Variants in STARD7 observed in about 807,000 individuals in gnomAD.
STARD7 encodes stAR-related lipid transfer protein 7, mitochondrial.
Under a neutral mutation model 45.3 loss-of-function variants are expected in STARD7, and 30 were observed. The observed-to-expected ratio is 0.66, with a 90% CI of 0.50 to 0.90. The LOEUF (loss-of-function observed/expected upper bound fraction) is 0.90. Ranked by LOEUF, STARD7 falls within the 40% of genes least tolerant of loss-of-function variation. The pLI, the probability that STARD7 is intolerant of heterozygous loss-of-function variation, is 0.00. For missense variants in STARD7, 495 were observed against 491.3 expected (o/e 1.01, Z -0.07); for synonymous variants, 199 against 183.0 (o/e 1.09, Z -0.70).
intron 1 of STARD7, 47 bp from the exon 2 acceptor site, chr2:96,195,596 T>C (rs1308125685): frequency 6.9e-7 from 1 of 1,449,658 alleles, no homozygotes; most frequent in Admixed American, 1.8e-5. Flanking sequence ...GTCAGCCCTG[T>C]GAAATGAAGT....
At chr2:96,187,094 CTCTG>C in intron 7 of STARD7, 119 bp downstream of exon 7, 2 of 916,970 alleles carry the variant, frequency 2.2e-6, no homozygotes, top group South Asian at 1.8e-5. Context: ...GTTGTGAAAA[CTCTG>C]TCTCAGAAAA....
chr2:96,186,682 A>T lies in STARD7; in HGVS notation c.*48T>A. 2.0e-6 allele frequency: 3 copies of T among 1,467,586 alleles called. No individual in the cohort carries two copies. Among genetic ancestry groups the T allele is most frequent in the Non-Finnish European group, 2.8e-6 (3 of 1,081,836 alleles). The allele number at this position is 1,467,586 out of a possible 1,614,324, so 90.9% of individuals were successfully genotyped here. The stretch of plus-strand genomic sequence containing the variant: ...CCCTTCTACAGCAGAGTGATAACGG[A>T]CTGAGACAGGGCTAGAAGCACCTTG... On this transcript the variant is annotated 3_prime_UTR_variant, in exon 8 of 8. Transcript: ENST00000337288.
chr2:96,186,149 T>A lies in STARD7; in HGVS notation c.*581A>T, dbSNP rs1683033659. On this transcript the variant is annotated 3_prime_UTR_variant, in exon 8 of 8. Transcript: ENST00000337288. Reference sequence around the variant, plus strand: ...ACCAGCCTGGGAAACAGAGTGAAACTCCATCTCTACTTAAAAAAAAAAAAA... The same window carrying A: ...ACCAGCCTGGGAAACAGAGTGAAACACCATCTCTACTTAAAAAAAAAAAAA... 1 of 151,488 alleles carries A rather than the reference T, an allele frequency of 6.6e-6. No homozygotes were observed. Among genetic ancestry groups the A allele is most frequent in the African/African-American group, 2.4e-5 (1 of 41,066 alleles). The allele number at this position is 151,488 out of a possible 1,614,324, so 9.4% of individuals were successfully genotyped here. A position where few individuals can be genotyped will look rare whatever the true frequency, so the allele number is the denominator to read the frequency against.
intron 6 of STARD7, among the ~76,000 whole-genome samples, chr2:96,191,602 A>T (rs530085568): frequency 4.0e-5 from 6 of 150,508 alleles, no homozygotes; most frequent in African/African-American, 1.5e-4. Context: ...TGCTTGAATC[A>T]TGTCTTCTAA....
Position 96,208,312 on chromosome 2 carries a change from G to A in STARD7, c.123C>T (p.Ile41=), listed in dbSNP as rs768859533. 2.5e-6 allele frequency: 4 copies of A among 1,607,500 alleles called. No homozygotes were observed. The highest frequency in any genetic ancestry group is 1.3e-5 in the African/African-American group (1 of 74,860). ...AGTAGAGGCGGCCGTAGAGCTGCGCGATCTGCTGCGCGCGCCGCACGCGCA... is the reference window on the plus strand; with the variant it reads ...AGTAGAGGCGGCCGTAGAGCTGCGCAATCTGCTGCGCGCGCCGCACGCGCA... ...TGLRVRRAQQ[I]AQLYGRLYSE... is the part of the protein sequence containing the mutation. Residue 41 remains isoleucine, a synonymous_variant, in exon 1 of 8, where the codon ATC becomes ATT. Coordinates refer to ENST00000337288, the MANE Select transcript of STARD7 (RefSeq NM_020151.4).
rs780187943 is a variant in STARD7 at position 96,193,065 on chromosome 2, C to G, written c.743+13G>C. On this transcript the variant is annotated intron_variant, in intron 5 of 7. Coordinates refer to ENST00000337288, the MANE Select transcript of STARD7 (RefSeq NM_020151.4). ...AAAGGAACTCGGCAACAGCCACAGG[C>G]AGCCATACATACCGCGACACCAACA... The G allele has an allele frequency of 3.1e-6, 5 of 1,603,794 alleles. No homozygotes were observed. Among genetic ancestry groups the G allele is most frequent in the Non-Finnish European group, 4.3e-6 (5 of 1,171,206 alleles).
Position 96,208,150 on chromosome 2 carries a change from C to T in STARD7, c.285G>A (p.Leu95=), listed in dbSNP as rs1334088024. ...GAGCTCGCCGCAGCGCCCACCTCTGCAACTCCTCCTCCTGGATCCTCTCCT... is the reference window on the plus strand; with the variant it reads ...GAGCTCGCCGCAGCGCCCACCTCTGTAACTCCTCCTCCTGGATCCTCTCCT... ...WDEERIQEEE[L]QRSINEMKRL... Residue 95 remains leucine, a synonymous_variant, in exon 1 of 8, where the codon TTG becomes TTA. Transcript: ENST00000337288. 1 of 1,577,722 alleles carries T rather than the reference C, an allele frequency of 6.3e-7. No homozygotes were observed. Among genetic ancestry groups the T allele is most frequent in the South Asian group, 1.2e-5 (1 of 86,738 alleles).
rs60808208 is a variant in STARD7, at chr2:96,201,409, T to TAA, written c.291-5862_291-5861dup. Among the ~76,000 whole-genome samples, 206 of 109,578 alleles carry TAA rather than the reference T, an allele frequency of 1.9e-3. 3 individuals are homozygous for TAA. Among genetic ancestry groups the TAA allele is most frequent in the African/African-American group, 7.0e-3 (196 of 27,814 alleles). The allele number at this position is 109,578 out of a possible 152,430, so 71.9% of individuals were successfully genotyped here. ...TGGGCAACATGCAAAACTCCACCTC[T>TAA]AAAAAAAAAAAAAAAAAATTACACA... On this transcript the variant is annotated intron_variant, in intron 1 of 7. Coordinates refer to ENST00000337288, the MANE Select transcript of STARD7 (RefSeq NM_020151.4).
intron 1 of STARD7, among the ~76,000 whole-genome samples, chr2:96,197,074 A>AATAAC (rs1553432293): frequency 2.3e-5 from 3 of 128,196 alleles, no homozygotes; most frequent in Admixed American, 7.7e-5. Context: ...CTCAAAATAA[A>AATAAC]ATAAAATAAA....
intron 6 of STARD7, 123 bp downstream of exon 6, chr2:96,192,246 T>G: frequency 1.3e-6 from 1 of 793,150 alleles, no homozygotes; most frequent in Non-Finnish European, 2.2e-6. Flanking sequence ...ACCAGTAGCA[T>G]CAGACTCCCC....
intron 6 of STARD7, among the ~76,000 whole-genome samples, chr2:96,189,176 T>G (rs1319047127): frequency 6.6e-6 from 1 of 152,088 alleles, no homozygotes; most frequent in African/African-American, 2.4e-5. Flanking sequence ...CTCAAACTCC[T>G]TGGCTAAAGA....
Position 96,186,175 on chromosome 2 carries a change from AT to A in STARD7, c.*554del. 6.6e-6 allele frequency: 1 copy of A among 152,592 alleles called. No homozygotes were observed. The highest frequency in any genetic ancestry group is 1.5e-5 in the Non-Finnish European group (1 of 68,012). 9.5% of individuals were successfully genotyped at this position (152,592 alleles called of 1,614,324 possible). On this transcript the variant is annotated 3_prime_UTR_variant, in exon 8 of 8. Transcript: ENST00000337288. ...CCATCTCTACTTAAAAAAAAAAAAAATTAATAATAACTTCATGTCTCTAGAG... is the reference window on the plus strand; with the variant it reads ...CCATCTCTACTTAAAAAAAAAAAAAATAATAATAACTTCATGTCTCTAGAG...
In STARD7 at chr2:96,192,397, A is replaced by G; in HGVS notation, c.815T>C (p.Val272Ala). The change falls in exon 6 of 8, where the codon GTT becomes GCT. Residue 272 changes from valine (V) to alanine (A), a missense_variant. Physicochemically the swap from Val to Ala is moderately conservative, Grantham distance 64 (BLOSUM62 0). Around this residue, in one of 2 missense-constraint regions of STARD7, gnomAD observed 213 missense variants for 271.2 expected, o/e 0.79. Transcript: ENST00000337288. ...VRVRSYESQMVIRPHKSFDEN... is the reference protein window; with the variant it reads ...VRVRSYESQMAIRPHKSFDEN... ...ATCAAATGACTTGTGGGGACGGATA[A>G]CCATTTGGGATTCATATGATCTGAC... is the stretch of plus-strand genomic sequence containing the variant. 1 of 1,613,840 alleles carries G rather than the reference A, an allele frequency of 6.2e-7. No homozygotes were observed. Among genetic ancestry groups the G allele is most frequent in the Non-Finnish European group, 8.5e-7 (1 of 1,179,756 alleles).
intron 6 of STARD7, among the ~76,000 whole-genome samples, chr2:96,189,706 CAAAA>C (rs58952475): frequency 4.8e-5 from 4 of 83,000 alleles, no homozygotes; most frequent in African/African-American, 5.2e-5. Context: ...ACTCCGTCTC[CAAAA>C]AAAAAAAAAA....
In STARD7 at chr2:96,187,107, A is replaced by G. The variant is rs564678907; in HGVS notation, c.928+110T>C. The G allele has an allele frequency of 1.5e-4, 141 of 952,410 alleles. No individual in the cohort carries two copies. The African/African-American group carries it at 2.3e-3, about 15-fold the overall frequency. 59.0% of individuals were successfully genotyped at this position (952,410 alleles called of 1,614,324 possible). Reference sequence around the variant, plus strand: ...GGGTTGTGAAAACTCTGTCTCAGAAAAAAAAAAAAAAGAAGAACCAGAAGA... The same window carrying G: ...GGGTTGTGAAAACTCTGTCTCAGAAGAAAAAAAAAAAGAAGAACCAGAAGA... On this transcript the variant is annotated intron_variant, in intron 7 of 7. Transcript: ENST00000337288.
At position 96,187,271 on chromosome 2, in the gene STARD7, C is replaced by A; in HGVS notation, c.874G>T (p.Asp292Tyr). ...NGFDYLLTYSDNPQTVFPRYC... is the reference protein window; with the variant it reads ...NGFDYLLTYSYNPQTVFPRYC... The stretch of plus-strand genomic sequence containing the variant: ...CGAGGAAACACCGTTTGGGGATTGT[C>A]ACTGTATGTTAGTAAGTAGTCAAAG... Residue 292 changes from aspartate (D) to tyrosine (Y), a missense_variant, in exon 7 of 8, where the codon GAC becomes TAC. By Grantham distance (160) the Asp-to-Tyr change is radical. Coordinates refer to ENST00000337288, the MANE Select transcript of STARD7 (RefSeq NM_020151.4). The A allele has an allele frequency of 6.2e-7, 1 of 1,613,800 alleles. No homozygotes were observed. The highest frequency in any genetic ancestry group is 1.1e-5 in the South Asian group (1 of 91,040).
At position 96,197,110 on chromosome 2, in the gene STARD7, A is replaced by AAACAAC. The variant is rs1274720929; in HGVS notation, c.291-1562_291-1561insGTTGTT. On this transcript the variant is annotated intron_variant, in intron 1 of 7. Transcript: ENST00000337288. ...ATAAAATAAAATAAAATAAAATAAA[A>AAACAAC]TAAAATAAAATAAAGCCAAGCACAA... 4.0e-4 allele frequency among the ~76,000 whole-genome samples: 56 copies of AAACAAC among 141,498 alleles called. 8 individuals are homozygous for AAACAAC. The East Asian group carries it at 6.0e-3, about 15-fold the overall frequency. The allele number at this position is 141,498 out of a possible 152,430, so 92.8% of individuals were successfully genotyped here. A position where few individuals can be genotyped will look rare whatever the true frequency, so the allele number is the denominator to read the frequency against.
chr2:96,204,579 G>A (rs1482269403), intron 1 of STARD7, among the ~76,000 whole-genome samples: 1 of 152,098 alleles, frequency 6.6e-6, no homozygotes, highest in African/African-American at 2.4e-5. Flanking sequence ...GGGAAGGGGA[G>A]GACAGGACAG....
intron 1 of STARD7, among the ~76,000 whole-genome samples, chr2:96,202,793 CTGG>C (rs1458060991): frequency 2.0e-5 from 3 of 152,208 alleles, no homozygotes; most frequent in Admixed American, 6.5e-5. Context: ...CATGTTTCCA[CTGG>C]TGGAATGTCG....
Sources: allele counts gnomAD v4.1 joint callset (sites outside exome capture counted in the v4.1 genomes callset), GRCh38; gene constraint gnomAD v4.1.1; regional missense constraint gnomAD v4.1.1; transcripts MANE v1.5; gene names NCBI Gene and HGNC (gene_info 2026-07-23, HGNC 2026-07-21).